Variants in THSD4 observed in about 807,000 individuals in gnomAD.
THSD4 encodes the protein thrombospondin type-1 domain-containing protein 4.
THSD4 carries 69 observed loss-of-function variants against 119.0 expected under a neutral mutation model. That is an observed-to-expected ratio of 0.58 (90% CI 0.48 to 0.71). The LOEUF (loss-of-function observed/expected upper bound fraction) is 0.71, where lower values mean the gene tolerates loss of function less well. Among genes scored for constraint, THSD4 ranks in the 30% least tolerant of loss-of-function variants. The pLI is 0.00. For missense variants in THSD4, 1,393 were observed against 1,391.1 expected, an observed-to-expected ratio of 1.00 and a Z score of -0.02; for synonymous variants, 524 against 540.4, an observed-to-expected ratio of 0.97 and a Z score of 0.42.
At chr15:71,469,184 C>T (rs912735760) in intron 7 of THSD4, among the ~76,000 whole-genome samples, 12 of 152,156 alleles carry the variant, frequency 7.9e-5, no homozygotes, top group African/African-American at 2.7e-4. Context: ...ACACCTGCAG[C>T]TCACTTCCAA....
At chr15:71,692,528 G>A (rs573754434) in intron 8 of THSD4, among the ~76,000 whole-genome samples, 13 of 152,278 alleles carry the variant, frequency 8.5e-5, no homozygotes, top group African/African-American at 3.1e-4. Flanking sequence ...TGTACAGGGA[G>A]CTACCAGTAA....
chr15:71,590,206 CT>C (rs141806265), intron 7 of THSD4, among the ~76,000 whole-genome samples: 2,234 of 138,704 alleles, frequency 0.016, 264 homozygotes, highest in African/African-American at 0.054. Context: ...CATTCCCTAT[CT>C]TTGTCTGAAG....
intron 6 of THSD4, among the ~76,000 whole-genome samples, chr15:71,366,679 C>A (rs1422793083): frequency 6.6e-6 from 1 of 152,156 alleles, no homozygotes; most frequent in East Asian, 1.9e-4. Flanking sequence ...CTGGCTCTCT[C>A]CCCAGTCTGC....
intron 6 of THSD4, among the ~76,000 whole-genome samples, chr15:71,304,432 A>G (rs1268261325): frequency 6.6e-6 from 1 of 152,000 alleles, no homozygotes; most frequent in Non-Finnish European, 1.5e-5. Context: ...TTTGCCATGG[A>G]GAGAATAGCA....
chr15:71,618,550 G>A (rs1393991671), intron 7 of THSD4, among the ~76,000 whole-genome samples: 1 of 152,192 alleles, frequency 6.6e-6, no homozygotes, highest in Non-Finnish European at 1.5e-5. Flanking sequence ...TGGAAATGGG[G>A]ATGGTGCAAC....
intron 7 of THSD4, among the ~76,000 whole-genome samples, chr15:71,455,916 T>A (rs1334477582): frequency 2.6e-5 from 4 of 152,204 alleles, no homozygotes; most frequent in Non-Finnish European, 5.9e-5. Flanking sequence ...AGGCCATTGA[T>A]CCTGCCCCGT....
At chr15:71,391,553 T>G (rs1394366562) in intron 6 of THSD4, among the ~76,000 whole-genome samples, 1 of 152,190 alleles carries the variant, frequency 6.6e-6, no homozygotes, top group East Asian at 1.9e-4. Flanking sequence ...GTCAGGGAAC[T>G]GAGTCTAGGG....
chr15:71,171,879 TATG>T (rs1041204248), intron 3 of THSD4, among the ~76,000 whole-genome samples: 10 of 152,194 alleles, frequency 6.6e-5, no homozygotes, highest in Non-Finnish European at 1.2e-4. Flanking sequence ...TAAAAGGAAG[TATG>T]ATATTATAAG....
At chr15:71,292,973 G>A (rs1433598524) in intron 6 of THSD4, among the ~76,000 whole-genome samples, 1 of 152,186 alleles carries the variant, frequency 6.6e-6, no homozygotes, top group Non-Finnish European at 1.5e-5. Context: ...ACCGCACCTG[G>A]CCAAATATAA....
chr15:71,335,495 G>T (rs1262021239), intron 6 of THSD4, among the ~76,000 whole-genome samples: 1 of 152,112 alleles, frequency 6.6e-6, no homozygotes, highest in Non-Finnish European at 1.5e-5. Context: ...CACAGAGTTT[G>T]TCTGGACCCC....
intron 7 of THSD4, among the ~76,000 whole-genome samples, chr15:71,624,081 G>A (rs758322627): frequency 7.2e-5 from 11 of 152,296 alleles, no homozygotes; most frequent in Admixed American, 4.6e-4. Context: ...AGAACAACAC[G>A]TGAAGGGTAA....
intron 7 of THSD4, among the ~76,000 whole-genome samples, chr15:71,458,319 G>A (rs1164690946): frequency 1.3e-5 from 2 of 152,158 alleles, no homozygotes; most frequent in African/African-American, 2.4e-5. Flanking sequence ...TGTGGAAAGA[G>A]CCTGGGATTT....
chr15:71,626,372 G>A (rs114496232), intron 7 of THSD4, among the ~76,000 whole-genome samples: 2,989 of 152,222 alleles, frequency 0.02, 95 homozygotes, highest in African/African-American at 0.065. Context: ...GTGACTGTGG[G>A]CATCTTTGTC....
intron 7 of THSD4, among the ~76,000 whole-genome samples, chr15:71,602,766 C>T (rs2050039166): frequency 6.6e-6 from 1 of 151,986 alleles, no homozygotes; most frequent in Non-Finnish European, 1.5e-5. Flanking sequence ...TATGGGGTTT[C>T]TTTTTTGGGG....
At position 71,402,429 on chromosome 15, in the gene THSD4, A is replaced by C. The variant is rs115960075; in HGVS notation, c.1016-9258A>C. Reference sequence around the variant, plus strand: ...CATGTGATATACTCCCTTAGGTCAGATTTCCAGAGCACTGATCCTAAAGCA... The same window carrying C: ...CATGTGATATACTCCCTTAGGTCAGCTTTCCAGAGCACTGATCCTAAAGCA... On this transcript the variant is annotated intron_variant, in intron 6 of 17. Transcript: ENST00000261862. 8.1e-3 allele frequency among the ~76,000 whole-genome samples: 1,234 copies of C among 152,192 alleles called. 18 individuals carry two copies. Among genetic ancestry groups the C allele is most frequent in the African/African-American group, 0.028 (1,180 of 41,498 alleles).
chr15:71,683,590 C>T (rs781417567), intron 8 of THSD4, among the ~76,000 whole-genome samples: 2 of 152,178 alleles, frequency 1.3e-5, no homozygotes, highest in African/African-American at 2.4e-5. Context: ...TTGTCAATGT[C>T]TTAAGGAATG....
intron 6 of THSD4, among the ~76,000 whole-genome samples, chr15:71,314,284 T>C (rs567360851): frequency 6.6e-6 from 1 of 152,252 alleles, no homozygotes; most frequent in South Asian, 2.1e-4. Flanking sequence ...GATAAGTTAC[T>C]ATAAGAAAAT....
At chr15:71,192,638 A>G (rs573293860) in intron 3 of THSD4, among the ~76,000 whole-genome samples, 1 of 152,262 alleles carries the variant, frequency 6.6e-6, no homozygotes, top group African/African-American at 2.4e-5. Flanking sequence ...GTATTTCAGC[A>G]TTATTCTCCT....
chr15:71,127,956 T>A (rs1404648235), intron 1 of THSD4, among the ~76,000 whole-genome samples: 1 of 152,190 alleles, frequency 6.6e-6, no homozygotes, highest in Non-Finnish European at 1.5e-5. Context: ...CTTCTGGGGT[T>A]AAATACAAAA....
Sources: allele counts gnomAD v4.1 joint callset (sites outside exome capture counted in the v4.1 genomes callset), GRCh38; gene constraint gnomAD v4.1.1; transcripts MANE v1.5; gene names NCBI Gene and HGNC (gene_info 2026-07-23, HGNC 2026-07-21).